The following SYN3 variants were observed in gnomAD, a reference collection of about 807,000 sequenced individuals.
The protein encoded by SYN3 is synapsin-3.
In SYN3, 35 loss-of-function variants were observed where a neutral mutation model predicts 65.8. The observed-to-expected ratio is 0.53, with a 90% confidence interval of 0.41 to 0.70. SYN3 has a LOEUF of 0.70. Among genes scored for constraint, SYN3 ranks in the 30% least tolerant of loss-of-function variants. SYN3 has a pLI of 0.00. For missense variants in SYN3, 680 were observed against 749.0 expected, an observed-to-expected ratio of 0.91 and a Z score of 1.08; for synonymous variants, 270 against 292.9, an observed-to-expected ratio of 0.92 and a Z score of 0.80.
At chr22:33,028,012 G>A (rs73162087) in intron 1 of SYN3, among the ~76,000 whole-genome samples, 2 of 152,186 alleles carry the variant, frequency 1.3e-5, no homozygotes, top group South Asian at 4.1e-4. Context: ...GGGAGATGAA[G>A]TGCCTTCCCC....
intron 6 of SYN3, among the ~76,000 whole-genome samples, chr22:32,699,322 G>A (rs192439786): frequency 4.7e-4 from 71 of 152,356 alleles, no homozygotes; most frequent in African/African-American, 1.5e-3. Flanking sequence ...GGGCCGTTGG[G>A]CTCCCCTGAA....
At chr22:32,561,731 T>C (rs558007541) in intron 7 of SYN3, among the ~76,000 whole-genome samples, 2 of 152,244 alleles carry the variant, frequency 1.3e-5, no homozygotes, top group South Asian at 2.1e-4. Flanking sequence ...CTTCTCTTCT[T>C]TCTGTTTCCC....
At chr22:32,870,733 C>T (rs1165191121) in intron 4 of SYN3, among the ~76,000 whole-genome samples, 1 of 152,002 alleles carries the variant, frequency 6.6e-6, no homozygotes, top group Non-Finnish European at 1.5e-5. Context: ...CAAAAGACAC[C>T]CTGTATCCTG....
chr22:32,564,396 G>C lies in SYN3; in HGVS notation c.775-22683C>G, dbSNP rs377128304. On this transcript the variant is annotated intron_variant, in intron 7 of 13. Coordinates refer to ENST00000358763, the MANE Select transcript of SYN3 (RefSeq NM_003490.4). ...TCGCAGCTCCCAGCCATAAACCAAG[G>C]CTGCTTCTCTGTAACCATGGCCAGC... Among the ~76,000 whole-genome samples, 31 of 152,268 alleles carry C rather than the reference G, an allele frequency of 2.0e-4. No individual in the cohort carries two copies. The South Asian group carries it at 6.2e-3, about 31-fold the overall frequency.
chr22:33,008,408 T>C (rs1317305201), intron 1 of SYN3, among the ~76,000 whole-genome samples: 1 of 152,226 alleles, frequency 6.6e-6, no homozygotes, highest in African/African-American at 2.4e-5. Context: ...AACAGGCAAA[T>C]ACTCTTCTGA....
At chr22:33,006,907 C>T (rs1025168884) in intron 1 of SYN3, 83 bp from the exon 2 acceptor site, 9 of 372,968 alleles carry the variant, frequency 2.4e-5, no homozygotes, top group African/African-American at 8.1e-5. Flanking sequence ...TCCTGCCCCA[C>T]TGCAGGTGGT....
chr22:32,517,670 G>A (rs2057800593), intron 13 of SYN3, among the ~76,000 whole-genome samples: 1 of 152,042 alleles, frequency 6.6e-6, no homozygotes. Context: ...AACTCTATAG[G>A]AGACACCAGC....
intron 6 of SYN3, among the ~76,000 whole-genome samples, chr22:32,789,416 C>A (rs2046269915): frequency 6.6e-6 from 1 of 152,250 alleles, no homozygotes; most frequent in East Asian, 1.9e-4. Flanking sequence ...CATGCTAAGA[C>A]AATCAGAGGA....
Position 32,544,189 on chromosome 22 carries a change from C to T in SYN3, c.775-2476G>A, listed in dbSNP as rs973779689. ...CTTGGTTCAAGCGATCTTTCCGCCT[C>T]GGCCTTCCAAAGTGCTGGGATTACA... On this transcript the variant is annotated intron_variant, in intron 7 of 13. Coordinates refer to ENST00000358763, the MANE Select transcript of SYN3 (RefSeq NM_003490.4). Among the ~76,000 whole-genome samples the T allele has an allele frequency of 3.3e-5, 5 of 152,330 alleles. No homozygotes were observed. The Middle Eastern group carries it at 0.01, about 311-fold the overall frequency.
chr22:32,519,799 C>T (rs2057846178), intron 12 of SYN3: 1 of 152,230 alleles, frequency 6.6e-6, no homozygotes, highest in Non-Finnish European at 1.5e-5. Flanking sequence ...CATGCTGCTG[C>T]TGGGAGAGTG....
Position 32,742,159 on chromosome 22 carries a change from C to T in SYN3, c.711+122756G>A, listed in dbSNP as rs192972247. ...GGCATGGTGGCGGGCGCCTGTAGTC[C>T]CAGCTACTCAGGAGGCTGAGGCAGG... On this transcript the variant is annotated intron_variant, in intron 6 of 13. Coordinates refer to ENST00000358763, the MANE Select transcript of SYN3 (RefSeq NM_003490.4). 9.8e-4 allele frequency among the ~76,000 whole-genome samples: 149 copies of T among 152,168 alleles called. 3 individuals are homozygous for T. The East Asian group carries it at 0.026, about 26-fold the overall frequency.
intron 6 of SYN3, among the ~76,000 whole-genome samples, chr22:32,646,136 G>A (rs925266050): frequency 1.3e-5 from 2 of 152,148 alleles, no homozygotes; most frequent in Non-Finnish European, 2.9e-5. Context: ...GAAGATTCCC[G>A]TGCATCCAGG....
At chr22:32,978,686 T>C (rs749931473) in intron 3 of SYN3, among the ~76,000 whole-genome samples, 1 of 152,180 alleles carries the variant, frequency 6.6e-6, no homozygotes, top group African/African-American at 2.4e-5. Flanking sequence ...GGCTTCTACC[T>C]GTAAGTTCAA....
chr22:32,906,640 A>G (rs1410330950), intron 4 of SYN3, among the ~76,000 whole-genome samples: 1 of 151,952 alleles, frequency 6.6e-6, no homozygotes, highest in Non-Finnish European at 1.5e-5. Flanking sequence ...CATTTGTCCT[A>G]ATGCTCACCC....
chr22:32,719,090 T>C (rs2061079702), intron 6 of SYN3, among the ~76,000 whole-genome samples: 1 of 152,222 alleles, frequency 6.6e-6, no homozygotes, highest in Non-Finnish European at 1.5e-5. Flanking sequence ...TTCCTCAGGC[T>C]TTTCCTGGTT....
At chr22:32,954,210 C>T (rs2051376612) in intron 3 of SYN3, among the ~76,000 whole-genome samples, 1 of 152,152 alleles carries the variant, frequency 6.6e-6, no homozygotes, top group Non-Finnish European at 1.5e-5. Context: ...CCAGGGGAGA[C>T]TTCAAGGTTG....
intron 6 of SYN3, among the ~76,000 whole-genome samples, chr22:32,798,538 A>C (rs2046483297): frequency 6.6e-6 from 1 of 152,136 alleles, no homozygotes; most frequent in Non-Finnish European, 1.5e-5. Flanking sequence ...TTCCTAGAAA[A>C]GTTCCAGGAA....
At chr22:32,516,362 T>G (rs2413125) in intron 13 of SYN3, among the ~76,000 whole-genome samples, 82,325 of 151,426 alleles carry the variant, frequency 0.54, 25,004 homozygotes, top group East Asian at 0.9. Context: ...TTTATTTATT[T>G]ATTTATTTAT....
At chr22:32,519,345 A>G (rs1344386967) in intron 12 of SYN3, 2 of 152,064 alleles carry the variant, frequency 1.3e-5, no homozygotes, top group East Asian at 3.9e-4. Flanking sequence ...TCCACACTGA[A>G]GATGTATTTC....
Sources: allele counts gnomAD v4.1 joint callset (sites outside exome capture counted in the v4.1 genomes callset), GRCh38; gene constraint gnomAD v4.1.1; transcripts MANE v1.5; gene names NCBI Gene and HGNC (gene_info 2026-07-23, HGNC 2026-07-21).